The following PTPRD variants were observed in gnomAD, a reference collection of about 807,000 sequenced individuals.
PTPRD encodes the protein receptor-type tyrosine-protein phosphatase delta.
PTPRD carries 34 observed loss-of-function variants against 214.5 expected under a neutral mutation model. The observed-to-expected ratio is 0.16, with a 90% CI of 0.12 to 0.21. PTPRD has a LOEUF of 0.21. Among genes scored for constraint, PTPRD ranks in the 10% least tolerant of loss-of-function variants. PTPRD has a pLI of 1.00. For synonymous variants in PTPRD, 1,128 were observed against 845.7 expected (o/e 1.33, Z -5.79); for missense variants, 2,545 against 2,398.7 (o/e 1.06, Z -1.27).
At position 8,528,343 on chromosome 9, in the gene PTPRD, C is replaced by T. The variant is rs1390004392; in HGVS notation, c.541+248G>A. ...GTAAATTAAAAAATTACCAAAAATA[C>T]AGTCACAGCAGTGAGCAATGTGGAT... On this transcript the variant is annotated intron_variant, in intron 15 of 45. Transcript: ENST00000381196. The T allele has an allele frequency of 1.6e-5, 8 of 494,486 alleles. 1 individual carries two copies. Among genetic ancestry groups the T allele is most frequent in the South Asian group, 1.5e-4 (4 of 27,008 alleles). The allele number at this position is 494,486 out of a possible 1,614,324, so 30.6% of individuals were successfully genotyped here. A position where few individuals can be genotyped will look rare whatever the true frequency, so the allele number is the denominator to read the frequency against.
chr9:10,192,500 C>T (rs922110549), intron 3 of PTPRD, among the ~76,000 whole-genome samples: 2 of 146,312 alleles, frequency 1.4e-5, no homozygotes, highest in Non-Finnish European at 3.0e-5. Flanking sequence ...ACATTCCTTC[C>T]TTTAAAAAAT....
intron 3 of PTPRD, among the ~76,000 whole-genome samples, chr9:10,168,381 T>C (rs879444239): frequency 1.3e-5 from 2 of 149,154 alleles, no homozygotes; most frequent in Non-Finnish European, 3.0e-5. Flanking sequence ...TTAAAATGTC[T>C]GTGTAATGAT....
intron 3 of PTPRD, among the ~76,000 whole-genome samples, chr9:10,215,642 C>A (rs73641886): frequency 0.018 from 2,758 of 151,994 alleles, 87 homozygotes; most frequent in African/African-American, 0.063. Flanking sequence ...AATGAAACAC[C>A]TGGATATATG....
chr9:9,229,256 G>A lies in PTPRD; in HGVS notation c.-202-45893C>T, dbSNP rs137902408. Among the ~76,000 whole-genome samples, 627 of 152,178 alleles carry A rather than the reference G, an allele frequency of 4.1e-3. 2 individuals are homozygous for A. Among genetic ancestry groups the A allele is most frequent in the African/African-American group, 0.014 (601 of 41,530 alleles). On this transcript the variant is annotated intron_variant, in intron 9 of 45. Coordinates refer to ENST00000381196, the MANE Select transcript of PTPRD (RefSeq NM_002839.4). ...ATTTACTTACATTGGAAAAAGCAGA[G>A]TAATAGTCCTGTAACTGATAAGATT...
chr9:10,106,547 T>C (rs2154220106), intron 3 of PTPRD, among the ~76,000 whole-genome samples: 1 of 151,842 alleles, frequency 6.6e-6, no homozygotes, highest in South Asian at 2.1e-4. Context: ...CTAAACAAAA[T>C]GAAACAAAAC....
At chr9:8,814,566 G>A (rs1025393447) in intron 11 of PTPRD, among the ~76,000 whole-genome samples, 1 of 152,132 alleles carries the variant, frequency 6.6e-6, no homozygotes, top group Non-Finnish European at 1.5e-5. Flanking sequence ...TAGGTGACAC[G>A]AGCAAGTCAA....
chr9:8,794,038 C>A (rs1274636184), intron 11 of PTPRD, among the ~76,000 whole-genome samples: 1 of 152,218 alleles, frequency 6.6e-6, no homozygotes, highest in African/African-American at 2.4e-5. Flanking sequence ...TCTTACTTGA[C>A]TGCAGTTGTC....
chr9:9,894,836 G>T (rs1448696195), intron 5 of PTPRD, among the ~76,000 whole-genome samples: 1 of 151,434 alleles, frequency 6.6e-6, no homozygotes, highest in African/African-American at 2.4e-5. Flanking sequence ...TAAAATGTCT[G>T]TTTTTTTTCT....
chr9:10,375,596 G>T (rs891012613), intron 2 of PTPRD, among the ~76,000 whole-genome samples: 2 of 151,908 alleles, frequency 1.3e-5, no homozygotes, highest in African/African-American at 2.4e-5. Flanking sequence ...ATAACAAAAA[G>T]AATAGTTCAG....
intron 6 of PTPRD, among the ~76,000 whole-genome samples, chr9:9,763,458 A>AAC (rs3050073): frequency 0.19 from 28,815 of 152,020 alleles, 4,298 homozygotes; most frequent in African/African-American, 0.39. Flanking sequence ...TGTTTTTAAG[A>AAC]ACAGTCTTCT....
chr9:9,056,230 C>T (rs140886651), intron 10 of PTPRD, among the ~76,000 whole-genome samples: 101 of 152,162 alleles, frequency 6.6e-4, no homozygotes, highest in African/African-American at 2.3e-3. Flanking sequence ...AGGAATAATG[C>T]GTATGTGAGA....
intron 12 of PTPRD, among the ~76,000 whole-genome samples, chr9:8,658,465 A>G (rs141594475): frequency 9.2e-5 from 14 of 152,274 alleles, no homozygotes; most frequent in Admixed American, 9.2e-4. Flanking sequence ...TTCAATGAGC[A>G]GTTTTTAATA....
At chr9:8,769,864 G>A (rs974957765) in intron 11 of PTPRD, among the ~76,000 whole-genome samples, 7 of 151,610 alleles carry the variant, frequency 4.6e-5, no homozygotes, top group African/African-American at 1.7e-4. Flanking sequence ...ATCCAAGGAT[G>A]CCAGTAATTG....
chr9:10,574,830 A>ATATTTC, intron 2 of PTPRD, among the ~76,000 whole-genome samples: 1 of 149,170 alleles, frequency 6.7e-6, no homozygotes, highest in East Asian at 2.0e-4. Flanking sequence ...ATATATATAT[A>ATATTTC]TATCTTAGAT....
At chr9:9,171,582 G>T (rs915582542) in intron 10 of PTPRD, among the ~76,000 whole-genome samples, 1 of 151,892 alleles carries the variant, frequency 6.6e-6, no homozygotes, top group African/African-American at 2.4e-5. Context: ...TCATGAATAC[G>T]TGGAAAGCAG....
chr9:9,635,506 C>A lies in PTPRD; in HGVS notation c.-286-60725G>T, dbSNP rs182823947. 4.0e-3 allele frequency among the ~76,000 whole-genome samples: 609 copies of A among 152,260 alleles called. 3 individuals are homozygous for A. The highest frequency in any genetic ancestry group is 0.014 in the African/African-American group (573 of 41,540). ...ATTGGTCACTCAGTTTCATTCAATT[C>A]TGGGGACTGTGATGAGCTGTGTGGG... On this transcript the variant is annotated intron_variant, in intron 7 of 45. Transcript: ENST00000381196.
At chr9:9,020,532 C>A (rs2099563209) in intron 10 of PTPRD, among the ~76,000 whole-genome samples, 1 of 152,094 alleles carries the variant, frequency 6.6e-6, no homozygotes. Flanking sequence ...AATAAGGAAC[C>A]AAGAATGATG....
intron 9 of PTPRD, among the ~76,000 whole-genome samples, chr9:9,278,858 C>A (rs1042574744): frequency 1.3e-5 from 2 of 151,352 alleles, no homozygotes; most frequent in African/African-American, 4.8e-5. Context: ...TTCATCTACA[C>A]ATACACAAAC....
At chr9:8,466,931 T>C (rs986544651) in intron 31 of PTPRD, among the ~76,000 whole-genome samples, 2 of 151,844 alleles carry the variant, frequency 1.3e-5, no homozygotes, top group African/African-American at 2.4e-5. Context: ...TGTGATAAAA[T>C]GGCTTCAGAC....
Sources: allele counts gnomAD v4.1 joint callset (sites outside exome capture counted in the v4.1 genomes callset), GRCh38; gene constraint gnomAD v4.1.1; transcripts MANE v1.5; gene names NCBI Gene and HGNC (gene_info 2026-07-23, HGNC 2026-07-21).